Variants in GATA1 observed in about 807,000 individuals in gnomAD.
GATA1 encodes erythroid transcription factor.
In GATA1, 2 loss-of-function variants were observed where a neutral mutation model predicts 18.9. That is an observed-to-expected ratio of 0.11 (90% CI 0.04 to 0.33). The LOEUF is 0.33. Among genes scored for constraint, GATA1 ranks in the 10% least tolerant of loss-of-function variants. GATA1 has a pLI of 1.00. For missense variants in GATA1, 272 were observed against 344.7 expected, an observed-to-expected ratio of 0.79 and a Z score of 1.67; for synonymous variants, 152 against 149.1, an observed-to-expected ratio of 1.02 and a Z score of -0.14.
chrX:48,788,383 G>A (rs1378203128), intron 1 of GATA1, among the ~76,000 whole-genome samples: 7 of 110,960 alleles, frequency 6.3e-5, no homozygotes, highest in Non-Finnish European at 1.3e-4. Context: ...AGACCCGGGA[G>A]CAGAAAAGGA....
intron 1 of GATA1, among the ~76,000 whole-genome samples, chrX:48,789,889 AGAG>A (rs2062668688): frequency 9.1e-6 from 1 of 110,252 alleles, no homozygotes; most frequent in Admixed American, 9.7e-5. Flanking sequence ...GTTGGGGAGC[AGAG>A]GATGGTGAAC....
At chrX:48,786,707 T>G (rs1433679015) in intron 1 of GATA1, 62 bp downstream of exon 1, 1 of 110,951 alleles carries the variant, frequency 9.0e-6, no homozygotes, top group Non-Finnish European at 1.9e-5. Flanking sequence ...CCCCTACCCT[T>G]ATGCTTGCTC....
intron 1 of GATA1, among the ~76,000 whole-genome samples, chrX:48,787,598 C>T (rs1359056868): frequency 1.8e-5 from 2 of 111,004 alleles, no homozygotes; most frequent in African/African-American, 6.6e-5. Context: ...TCTCAAACTT[C>T]GCCCCGATCC....
intron 5 of GATA1, 69 bp from the exon 6 acceptor site, chrX:48,793,724 G>A: frequency 8.4e-7 from 1 of 1,183,692 alleles, no homozygotes; most frequent in Non-Finnish European, 1.1e-6. Flanking sequence ...GGGTAGAGAG[G>A]GTGTCCCTGG....
At chrX:48,790,567 G>A (rs1557019864) in intron 1 of GATA1, among the ~76,000 whole-genome samples, 1 of 108,579 alleles carries the variant, frequency 9.2e-6, no homozygotes. Context: ...AAAGGAGAAG[G>A]AGGAGGTCAA....
chrX:48,790,626 GAA>G (rs1263535664), intron 1 of GATA1, among the ~76,000 whole-genome samples: 4 of 104,375 alleles, frequency 3.8e-5, no homozygotes, highest in Admixed American at 1.0e-4. Context: ...GAGAGAATGA[GAA>G]AAGAGTGGAA....
rs782193818 is a variant in GATA1, at chrX:48,792,157, C to A, written c.534C>A (p.Ser178Arg). 5.8e-6 allele frequency: 7 copies of A among 1,211,276 alleles called. No individual in the cohort carries two copies. In the South Asian group the frequency reaches 1.1e-4, roughly 18 times the overall value. ...GTACCTTCTTTTCTCCCACCGGGAG[C>A]CCCCTCAATTCAGCAGCCTATTCCT... ...FSSTFFSPTG[S>R]PLNSAAYSSP... Residue 178 changes from serine (S) to arginine (R), a missense_variant, in exon 3 of 6, where the codon AGC becomes AGA. This residue lies in a region of GATA1 where 147 missense variants were observed against 157.4 expected (regional missense o/e 0.93). Coordinates refer to ENST00000376670, the MANE Select transcript of GATA1 (RefSeq NM_002049.4).
chrX:48,793,486 C>T (rs1438388619), intron 5 of GATA1, among the ~76,000 whole-genome samples, 189 bp downstream of exon 5: 2 of 95,488 alleles, frequency 2.1e-5, no homozygotes, highest in Non-Finnish European at 4.2e-5. Flanking sequence ...TACTTTCCCC[C>T]TTCTCTGTTA....
chrX:48,791,559 T>C (rs1557020109), intron 2 of GATA1, among the ~76,000 whole-genome samples: 1 of 111,567 alleles, frequency 9.0e-6, no homozygotes, highest in East Asian at 2.8e-4. Context: ...TGGAAGTATG[T>C]GGTGGTTGCC....
intron 4 of GATA1, 140 bp from the exon 5 acceptor site, chrX:48,793,032 T>A (rs1456235259): frequency 4.9e-6 from 3 of 608,948 alleles, no homozygotes; most frequent in Non-Finnish European, 8.1e-6. Flanking sequence ...CCATACAGAA[T>A]CCTCAGGCAT....
At chrX:48,787,618 GTC>G (rs1321395062) in intron 1 of GATA1, among the ~76,000 whole-genome samples, 1 of 110,566 alleles carries the variant, frequency 9.0e-6, no homozygotes, top group South Asian at 3.8e-4. Context: ...CCCCAACCTC[GTC>G]TGTTTTCACA....
rs1302142081 is a variant in GATA1 at position 48,791,827 on chromosome X, C to T, written c.221-17C>T. ...ATTTTGCCTCTTCTTTCCTCCATCCCTACCTGCCCCCAACAGTCTTTCAGG... is the reference window on the plus strand; with the variant it reads ...ATTTTGCCTCTTCTTTCCTCCATCCTTACCTGCCCCCAACAGTCTTTCAGG... On this transcript the variant is annotated splice_polypyrimidine_tract_variant and intron_variant, in intron 2 of 5. Coordinates refer to ENST00000376670, the MANE Select transcript of GATA1 (RefSeq NM_002049.4). 2.5e-6 allele frequency: 3 copies of T among 1,209,205 alleles called. No homozygotes were observed. The African/African-American group carries it at 5.2e-5, about 21-fold the overall frequency.
chrX:48,789,549 G>A (rs1228450026), intron 1 of GATA1, among the ~76,000 whole-genome samples: 1 of 111,000 alleles, frequency 9.0e-6, no homozygotes, highest in Non-Finnish European at 1.9e-5. Context: ...CAATACAGCA[G>A]ATGGGGAAAC....
chrX:48,792,932 A>AG (rs1557020389), intron 4 of GATA1, among the ~76,000 whole-genome samples: 2 of 111,662 alleles, frequency 1.8e-5, no homozygotes, highest in Admixed American at 1.9e-4. Context: ...TGATTCCGAT[A>AG]CGCAGCCAAA....
At chrX:48,793,028 A>G (rs2062679494) in intron 4 of GATA1, 144 bp from the exon 5 acceptor site, 3 of 597,356 alleles carry the variant, frequency 5.0e-6, no homozygotes, top group South Asian at 5.1e-5. Flanking sequence ...GGCCCCATAC[A>G]GAATCCTCAG....
In GATA1 at chrX:48,793,162, C is replaced by T. The variant is rs782701437; in HGVS notation, c.745-10C>T. The stretch of plus-strand genomic sequence containing the variant: ...CCAGGGCACTGATCTCACATCCTGT[C>T]GTCCCCTAGATTGTCAGTAAACGGG... On this transcript the variant is annotated splice_polypyrimidine_tract_variant and intron_variant, in intron 4 of 5. Coordinates refer to ENST00000376670, the MANE Select transcript of GATA1 (RefSeq NM_002049.4). 5 of 1,207,197 alleles carry T rather than the reference C, an allele frequency of 4.1e-6. No homozygotes were observed. In the South Asian group the frequency reaches 5.3e-5, roughly 13 times the overall value.
In GATA1 at chrX:48,791,977, C is replaced by T. The variant is rs782231308; in HGVS notation, c.354C>T (p.Pro118=). ...TVCPTREDSP[P]QAVEDLDGKG... The stretch of plus-strand genomic sequence containing the variant: ...GTCCCACCCGCGAGGACTCTCCTCC[C>T]CAGGCCGTGGAAGATCTGGATGGAA... The change falls in exon 3 of 6, where the codon CCC becomes CCT. Residue 118 remains proline (P), a synonymous_variant. Coordinates refer to ENST00000376670, the MANE Select transcript of GATA1 (RefSeq NM_002049.4). 8.3e-7 allele frequency: 1 copy of T among 1,211,741 alleles called. No homozygotes were observed. The highest frequency in any genetic ancestry group is 1.8e-5 in the South Asian group (1 of 56,985).
intron 1 of GATA1, among the ~76,000 whole-genome samples, chrX:48,786,932 C>T (rs1371071765): frequency 9.0e-6 from 1 of 110,769 alleles, no homozygotes; most frequent in Non-Finnish European, 1.9e-5. Context: ...TCTGTCTCCC[C>T]TAAACACTAA....
chrX:48,794,189 G>C lies in GATA1; in HGVS notation c.*25G>C. ...AGGGCACAGAGCATGGCCTCCAGAG[G>C]AGGGGTGGTGTCCTTCTCCTCTTGT... On this transcript the variant is annotated 3_prime_UTR_variant, in exon 6 of 6. Coordinates refer to ENST00000376670, the MANE Select transcript of GATA1 (RefSeq NM_002049.4). 2 of 1,193,699 alleles carry C rather than the reference G, an allele frequency of 1.7e-6. No individual in the cohort carries two copies. Among genetic ancestry groups the C allele is most frequent in the Non-Finnish European group, 2.3e-6 (2 of 885,650 alleles).
Sources: allele counts gnomAD v4.1 joint callset (sites outside exome capture counted in the v4.1 genomes callset), GRCh38; gene constraint gnomAD v4.1.1; regional missense constraint gnomAD v4.1.1; transcripts MANE v1.5; gene names NCBI Gene and HGNC (gene_info 2026-07-23, HGNC 2026-07-21).